Variants in CDH13 observed in about 807,000 individuals in gnomAD.
CDH13 encodes cadherin-13.
A neutral mutation model predicts 63.8 loss-of-function variants in CDH13; 24 were observed. The observed-to-expected ratio is 0.38, with a 90% CI of 0.27 to 0.53. CDH13 has a LOEUF of 0.53. CDH13 is among the 20% of genes least tolerant of loss of function. The pLI is 0.85. For synonymous variants in CDH13, 503 were observed against 355.3 expected (o/e 1.42, Z -4.67); for missense variants, 1,049 against 903.1 (o/e 1.16, Z -2.07).
chr16:83,524,943 T>C (rs1453255093), intron 7 of CDH13, among the ~76,000 whole-genome samples: 1 of 152,144 alleles, frequency 6.6e-6, no homozygotes, highest in Admixed American at 6.5e-5. Context: ...GATGGGAAGG[T>C]CAGTAGACCA....
intron 3 of CDH13, among the ~76,000 whole-genome samples, chr16:83,035,898 T>C (rs1248680164): frequency 6.6e-6 from 1 of 152,188 alleles, no homozygotes; most frequent in Non-Finnish European, 1.5e-5. Context: ...GCTACAGCAA[T>C]GACCAACACT....
chr16:83,048,082 A>G lies in CDH13; in HGVS notation c.366+15864A>G, dbSNP rs893707979. On this transcript the variant is annotated intron_variant, in intron 3 of 13. Coordinates refer to ENST00000567109, the MANE Select transcript of CDH13 (RefSeq NM_001257.5). ...CAGGTTGGTTGAATAGCTGTATCCA[A>G]AAGGGTTAAAATATAATCTGTGTCG... Among the ~76,000 whole-genome samples, 5 of 152,228 alleles carry G rather than the reference A, an allele frequency of 3.3e-5. No individual in the cohort carries two copies. In the East Asian group the frequency reaches 9.6e-4, roughly 29 times the overall value.
intron 2 of CDH13, among the ~76,000 whole-genome samples, chr16:82,984,302 C>G (rs890765887): frequency 2.6e-5 from 4 of 152,312 alleles, no homozygotes; most frequent in Admixed American, 1.3e-4. Flanking sequence ...TATCATTCAG[C>G]TATGTCTTCA....
intron 7 of CDH13, among the ~76,000 whole-genome samples, chr16:83,572,740 C>T (rs1377992558): frequency 1.3e-5 from 2 of 152,172 alleles, no homozygotes; most frequent in Admixed American, 6.5e-5. Flanking sequence ...TAGAAGAATT[C>T]GGAACAGACC....
chr16:83,071,709 C>G (rs1567802093), intron 3 of CDH13, among the ~76,000 whole-genome samples: 2 of 152,070 alleles, frequency 1.3e-5, no homozygotes, highest in Admixed American at 6.6e-5. Context: ...TAGGAGAAGA[C>G]TATGTGGAGA....
intron 1 of CDH13, among the ~76,000 whole-genome samples, chr16:82,700,235 A>C (rs2030816977): frequency 6.6e-6 from 1 of 152,200 alleles, no homozygotes; most frequent in Non-Finnish European, 1.5e-5. Flanking sequence ...CTGAATTTCC[A>C]AGAAGGGTTT....
rs1483235254 is a variant in CDH13, at chr16:83,368,933, T to C, written c.781+23927T>C. Reference sequence around the variant, plus strand: ...ATATATATATATATATATATATATATATATACTAGGTTTTTTTAATCTGTT... The same window carrying C: ...ATATATATATATATATATATATATACATATACTAGGTTTTTTTAATCTGTT... On this transcript the variant is annotated intron_variant, in intron 6 of 13. Transcript: ENST00000567109. Among the ~76,000 whole-genome samples the C allele has an allele frequency of 6.5e-5, 5 of 77,328 alleles. 1 individual carries two copies. The highest frequency in any genetic ancestry group is 1.5e-4 in the Admixed American group (1 of 6,602). 50.7% of individuals were successfully genotyped at this position (77,328 alleles called of 152,430 possible). A position where few individuals can be genotyped will look rare whatever the true frequency, so the allele number is the denominator to read the frequency against.
intron 7 of CDH13, among the ~76,000 whole-genome samples, chr16:83,567,152 C>T (rs1317804685): frequency 6.6e-6 from 1 of 152,240 alleles, no homozygotes; most frequent in Non-Finnish European, 1.5e-5. Context: ...CCTTGACTCC[C>T]CAGCCAGGCT....
At chr16:82,692,274 G>T (rs78024577) in intron 1 of CDH13, among the ~76,000 whole-genome samples, 1,775 of 152,320 alleles carry the variant, frequency 0.012, 25 homozygotes, top group African/African-American at 0.035. Context: ...TAAGTCATTA[G>T]AAACTATATT....
At chr16:82,894,909 T>G (rs372263662) in intron 2 of CDH13, among the ~76,000 whole-genome samples, 2 of 151,922 alleles carry the variant, frequency 1.3e-5, no homozygotes, top group East Asian at 3.9e-4. Flanking sequence ...AAGGCCAGGC[T>G]AGGGAGTCGT....
At chr16:82,972,270 C>G (rs1005233867) in intron 2 of CDH13, among the ~76,000 whole-genome samples, 1 of 152,084 alleles carries the variant, frequency 6.6e-6, no homozygotes, top group African/African-American at 2.4e-5. Flanking sequence ...CTGGGCAGAC[C>G]AAGCATAATA....
Position 82,797,076 on chromosome 16 carries a change from A to G in CDH13, c.46-61286A>G, listed in dbSNP as rs144255383. On this transcript the variant is annotated intron_variant, in intron 1 of 13. Transcript: ENST00000567109. Reference sequence around the variant, plus strand: ...TACTTGTCATGAGTTATTCCTCATCATTCTAAAATTTGACCTCAAAGCTGA... The same window carrying G: ...TACTTGTCATGAGTTATTCCTCATCGTTCTAAAATTTGACCTCAAAGCTGA... Among the ~76,000 whole-genome samples, 273 of 152,358 alleles carry G rather than the reference A, an allele frequency of 1.8e-3. 1 individual carries two copies. The highest frequency in any genetic ancestry group is 6.0e-3 in the African/African-American group (250 of 41,580).
chr16:83,635,339 T>G (rs1911161364), intron 8 of CDH13, among the ~76,000 whole-genome samples: 1 of 114,210 alleles, frequency 8.8e-6, no homozygotes, highest in East Asian at 2.5e-4. Context: ...TTTCTTTTTT[T>G]TTTTTTTTTT....
At chr16:82,778,144 G>C (rs948789206) in intron 1 of CDH13, among the ~76,000 whole-genome samples, 1 of 152,112 alleles carries the variant, frequency 6.6e-6, no homozygotes, top group Non-Finnish European at 1.5e-5. Flanking sequence ...TACAAGAACC[G>C]TGATTATTTT....
chr16:83,237,940 G>C (rs574161986), intron 5 of CDH13, among the ~76,000 whole-genome samples: 14 of 152,118 alleles, frequency 9.2e-5, no homozygotes, highest in Non-Finnish European at 1.8e-4. Context: ...GAGAGGTGAA[G>C]TAACTATGCT....
At chr16:82,681,455 C>T (rs1192382748) in intron 1 of CDH13, among the ~76,000 whole-genome samples, 1 of 152,180 alleles carries the variant, frequency 6.6e-6, no homozygotes, top group Non-Finnish European at 1.5e-5. Context: ...GATAGTGTTC[C>T]AGATGTCATT....
At chr16:82,975,000 G>A (rs536197036) in intron 2 of CDH13, among the ~76,000 whole-genome samples, 1 of 152,216 alleles carries the variant, frequency 6.6e-6, no homozygotes, top group Non-Finnish European at 1.5e-5. Context: ...GGCTGTCCAG[G>A]CCCACATTTC....
chr16:83,070,003 T>C (rs1182945569), intron 3 of CDH13, among the ~76,000 whole-genome samples: 1 of 152,080 alleles, frequency 6.6e-6, no homozygotes, highest in Non-Finnish European at 1.5e-5. Flanking sequence ...ACTTTAAAAA[T>C]TTCCCAAAAT....
At chr16:82,837,748 G>C (rs1400012223) in intron 1 of CDH13, among the ~76,000 whole-genome samples, 5 of 152,194 alleles carry the variant, frequency 3.3e-5, no homozygotes, top group Non-Finnish European at 5.9e-5. Context: ...TGGTCACGTA[G>C]ACAGCCTCTG....
Sources: allele counts gnomAD v4.1 joint callset (sites outside exome capture counted in the v4.1 genomes callset), GRCh38; gene constraint gnomAD v4.1.1; transcripts MANE v1.5; gene names NCBI Gene and HGNC (gene_info 2026-07-23, HGNC 2026-07-21).